DNAH11: variants seen among roughly 807,000 people sequenced by gnomAD.
DNAH11 encodes axonemal beta dynein heavy chain 11.
A neutral mutation model predicts 526.0 loss-of-function variants in DNAH11; 442 were observed. The observed-to-expected ratio is 0.84, with a 90% CI of 0.78 to 0.91. The LOEUF is 0.91. Ranked by LOEUF, DNAH11 falls within the 40% of genes least tolerant of loss-of-function variation. The pLI, the probability that DNAH11 is intolerant of heterozygous loss-of-function variation, is 0.00. For missense variants in DNAH11, 6,989 were observed against 5,448.7 expected, an observed-to-expected ratio of 1.28 and a Z score of -8.90; for synonymous variants, 2,461 against 1,935.9, an observed-to-expected ratio of 1.27 and a Z score of -7.12.
chr7:21,798,028 AAAGCT>A (rs1198116396), intron 61 of DNAH11, among the ~76,000 whole-genome samples: 8 of 152,362 alleles, frequency 5.3e-5, no homozygotes, highest in South Asian at 2.1e-4. Context: ...GAGAAAATGT[AAAGCT>A]CACATAAAGT....
intron 34 of DNAH11, among the ~76,000 whole-genome samples, chr7:21,689,633 C>G (rs1365848292): frequency 1.3e-5 from 2 of 152,264 alleles, no homozygotes; most frequent in African/African-American, 4.8e-5. Flanking sequence ...GCCAGCCTGT[C>G]TGCCTTCCCT....
intron 66 of DNAH11, chr7:21,851,611 C>T (rs1465481741): frequency 2.1e-6 from 1 of 471,298 alleles, no homozygotes; most frequent in South Asian, 1.5e-5. Context: ...ATCTGACCTT[C>T]ACTGTAAGAA....
intron 63 of DNAH11, among the ~76,000 whole-genome samples, chr7:21,811,553 A>G (rs1789524905): frequency 6.6e-6 from 1 of 152,124 alleles, no homozygotes; most frequent in South Asian, 2.1e-4. Flanking sequence ...AATGGTGGTT[A>G]CCAGGGGCTG....
chr7:21,565,193 G>T (rs1243472606), intron 6 of DNAH11, among the ~76,000 whole-genome samples: 1 of 152,184 alleles, frequency 6.6e-6, no homozygotes, highest in Non-Finnish European at 1.5e-5. Context: ...CTCAGATTCT[G>T]GTGGGGGCCC....
intron 65 of DNAH11, among the ~76,000 whole-genome samples, chr7:21,829,371 T>C (rs1427947730): frequency 6.6e-6 from 1 of 152,152 alleles, no homozygotes; most frequent in Non-Finnish European, 1.5e-5. Context: ...GCTATCTGAA[T>C]TGTCCAACTT....
At chr7:21,889,269 C>CA (rs1784244899) in intron 76 of DNAH11, among the ~76,000 whole-genome samples, 1 of 152,316 alleles carries the variant, frequency 6.6e-6, no homozygotes, top group East Asian at 1.9e-4. Flanking sequence ...ATTGTATGGA[C>CA]ATAGCACATT....
At position 21,828,965 on chromosome 7, in the gene DNAH11, G is replaced by A. The variant is rs547330317; in HGVS notation, c.10691+10626G>A. 4.6e-5 allele frequency among the ~76,000 whole-genome samples: 7 copies of A among 152,148 alleles called. 1 individual carries two copies. The South Asian group carries it at 1.5e-3, about 32-fold the overall frequency. On this transcript the variant is annotated intron_variant, in intron 65 of 81. Transcript: ENST00000409508. The stretch of plus-strand genomic sequence containing the variant: ...CTTCTTTTCCTTGAGCGTCTTGCCA[G>A]CTGTGCAGCTTTCAACCAAAACCTT...
rs1788966324 is a variant in DNAH11 at position 21,801,084 on chromosome 7, A to G, written c.10027-53A>G. On this transcript the variant is annotated intron_variant, in intron 61 of 81. Coordinates refer to ENST00000409508, the MANE Select transcript of DNAH11 (RefSeq NM_001277115.2). Reference sequence around the variant, plus strand: ...TAACAGATGTTTTAAGATGATGGTAATCTCTCTGTTTTAACTAAAAATGAC... The same window carrying G: ...TAACAGATGTTTTAAGATGATGGTAGTCTCTCTGTTTTAACTAAAAATGAC... 5.2e-6 allele frequency: 8 copies of G among 1,545,876 alleles called. No homozygotes were observed. The South Asian group carries it at 9.5e-5, about 18-fold the overall frequency.
At chr7:21,545,875 C>T (rs1179860395) in intron 2 of DNAH11, among the ~76,000 whole-genome samples, 1 of 152,194 alleles carries the variant, frequency 6.6e-6, no homozygotes, top group South Asian at 2.1e-4. Context: ...GAACTAGAAC[C>T]TGGCTCTCAA....
chr7:21,560,810 A>G (rs886407616), intron 4 of DNAH11, among the ~76,000 whole-genome samples: 6 of 152,206 alleles, frequency 3.9e-5, no homozygotes, highest in South Asian at 2.1e-4. Flanking sequence ...CTTCAATCCA[A>G]TCAAGTTGAC....
intron 54 of DNAH11, among the ~76,000 whole-genome samples, chr7:21,761,808 A>G (rs553459100): frequency 2.6e-5 from 4 of 152,220 alleles, no homozygotes; most frequent in Non-Finnish European, 5.9e-5. Flanking sequence ...AAAATTGTAG[A>G]AAAGAATAAT....
chr7:21,629,082 C>G (rs1245006278), intron 25 of DNAH11, among the ~76,000 whole-genome samples: 2 of 152,002 alleles, frequency 1.3e-5, no homozygotes, highest in African/African-American at 4.8e-5. Context: ...TACTGTATCA[C>G]ATAGATTTTG....
chr7:21,859,519 G>A (rs924949374), intron 68 of DNAH11, among the ~76,000 whole-genome samples: 1 of 152,020 alleles, frequency 6.6e-6, no homozygotes, highest in Non-Finnish European at 1.5e-5. Flanking sequence ...AACACTTCTG[G>A]CCCCAAGCAT....
intron 14 of DNAH11, among the ~76,000 whole-genome samples, chr7:21,598,776 C>T (rs997043651): frequency 6.6e-6 from 1 of 152,114 alleles, no homozygotes; most frequent in African/African-American, 2.4e-5. Flanking sequence ...GTGTGTTGTG[C>T]CCCTCTATGT....
chr7:21,827,131 T>C (rs1453388002), intron 65 of DNAH11, among the ~76,000 whole-genome samples: 1 of 152,212 alleles, frequency 6.6e-6, no homozygotes, highest in African/African-American at 2.4e-5. Flanking sequence ...TTTGAGAAGA[T>C]ATACAGGTGA....
intron 2 of DNAH11, among the ~76,000 whole-genome samples, chr7:21,546,792 A>G (rs549282047): frequency 5.3e-5 from 8 of 152,318 alleles, no homozygotes; most frequent in African/African-American, 1.7e-4. Context: ...TTCTCAGTCA[A>G]TATCTGGGCC....
rs375980717 is a variant in DNAH11 at position 21,748,614 on chromosome 7, G to T, written c.8545G>T (p.Gly2849Cys). The change falls in exon 52 of 82, where the codon GGC becomes TGC. Residue 2849 changes from glycine to cysteine, a missense_variant. Gly to Cys is a radical substitution (Grantham distance 159). Transcript: ENST00000409508. The stretch of plus-strand genomic sequence containing the variant: ...CAGCCGGATCTTACGAACCCCTCAG[G>T]GCTGTGCTCTCTTGGTTGGAGTTGG... ...RISRILRTPQ[G>C]CALLVGVGGS... The T allele has an allele frequency of 5.6e-6, 9 of 1,609,994 alleles. No homozygotes were observed. The highest frequency in any genetic ancestry group is 6.8e-6 in the Non-Finnish European group (8 of 1,177,686).
At chr7:21,803,276 A>G (rs550655731) in intron 62 of DNAH11, among the ~76,000 whole-genome samples, 2 of 152,242 alleles carry the variant, frequency 1.3e-5, no homozygotes, top group African/African-American at 4.8e-5. Flanking sequence ...TTCACATATT[A>G]CAAAAAATGC....
At chr7:21,803,587 C>A (rs1437663437) in intron 62 of DNAH11, among the ~76,000 whole-genome samples, 1 of 143,150 alleles carries the variant, frequency 7.0e-6, no homozygotes, top group Non-Finnish European at 1.5e-5. Flanking sequence ...AACTCCACCC[C>A]ACACCTCCTG....
Sources: gnomAD v4.1 joint callset for allele counts (sites outside exome capture counted in the v4.1 genomes callset) on GRCh38, gnomAD v4.1.1 for gene constraint, MANE v1.5 for transcripts, NCBI Gene and HGNC (gene_info 2026-07-23, HGNC 2026-07-21) for gene names.